SHTN1: variants seen among roughly 807,000 people sequenced by gnomAD.
The protein encoded by SHTN1 is shootin 1, also known as shootin-1.
A neutral mutation model predicts 83.1 loss-of-function variants in SHTN1; 42 were observed. The ratio of observed to expected loss-of-function variants is 0.51; its 90% confidence interval spans 0.39 to 0.65. The LOEUF (loss-of-function observed/expected upper bound fraction) is 0.65, where lower values mean the gene tolerates loss of function less well. SHTN1 is among the 30% of genes least tolerant of loss of function. SHTN1 has a pLI of 0.00. For synonymous variants in SHTN1, 224 were observed against 247.7 expected (o/e 0.90, Z 0.90); for missense variants, 622 against 737.8 (o/e 0.84, Z 1.82).
chr10:116,898,325 A>T (rs1847595045), intron 16 of SHTN1, among the ~76,000 whole-genome samples: 1 of 142,154 alleles, frequency 7.0e-6, no homozygotes, highest in Non-Finnish European at 1.5e-5. Context: ...GACTACATCT[A>T]AAAAAAAAAA....
At chr10:117,025,145 T>C (rs145203886) in intron 2 of SHTN1, among the ~76,000 whole-genome samples, 122 of 152,276 alleles carry the variant, frequency 8.0e-4, no homozygotes, top group African/African-American at 2.9e-3. Context: ...TTTAACTTCA[T>C]ATCACTAAAA....
chr10:117,087,942 A>G (rs1408893663), intron 1 of SHTN1, among the ~76,000 whole-genome samples: 1 of 152,180 alleles, frequency 6.6e-6, no homozygotes, highest in Non-Finnish European at 1.5e-5. Context: ...ATCTCTACTA[A>G]AAGTGTAAAT....
rs201996707 is a variant in SHTN1, at chr10:116,921,400, A to G, written c.1195+34T>C. On this transcript the variant is annotated intron_variant, in intron 12 of 16. Transcript: ENST00000355371. ...GTGAATTGCCCCAAAATGGTACACC[A>G]TCAACCACTTACACCAATAGAAGTG... 2,263 of 1,510,306 alleles carry G rather than the reference A, an allele frequency of 1.5e-3. 6 individuals carry two copies. Among genetic ancestry groups the G allele is most frequent in the Non-Finnish European group, 1.9e-3 (2,052 of 1,089,986 alleles). The allele number at this position is 1,510,306 out of a possible 1,614,324, so 93.6% of individuals were successfully genotyped here.
intron 3 of SHTN1, 167 bp from the exon 4 acceptor site, chr10:116,960,397 T>C (rs1481604937): frequency 4.1e-6 from 2 of 490,994 alleles, no homozygotes; most frequent in African/African-American, 3.8e-5. Flanking sequence ...AAATCTGAGC[T>C]AATATTTGAA....
chr10:116,929,792 G>T, intron 10 of SHTN1, 57 bp downstream of exon 10: 1 of 1,228,086 alleles, frequency 8.1e-7, no homozygotes, highest in Non-Finnish European at 1.1e-6. Flanking sequence ...TTTTGTACTA[G>T]GCATGAGTAA....
At chr10:116,893,170 G>T (rs1847392452) in intron 16 of SHTN1, among the ~76,000 whole-genome samples, 1 of 152,146 alleles carries the variant, frequency 6.6e-6, no homozygotes, top group Non-Finnish European at 1.5e-5. Context: ...CAGAACACTT[G>T]TAAGACAATC....
At chr10:117,126,269 G>C (rs7078823) in intron 1 of SHTN1, 110,996 of 157,268 alleles carry the variant, frequency 0.71, 41,013 homozygotes, top group Middle Eastern at 0.84. Context: ...GTGGGTCGGG[G>C]CCCTGCCGCT....
intron 1 of SHTN1, among the ~76,000 whole-genome samples, chr10:117,069,239 A>G (rs1255652627): frequency 6.6e-6 from 1 of 152,224 alleles, no homozygotes; most frequent in East Asian, 1.9e-4. Flanking sequence ...ACTGAAAAGT[A>G]TTCACTGCAT....
chr10:116,901,810 C>T lies in SHTN1; in HGVS notation c.1628G>A (p.Gly543Glu). 6.2e-7 allele frequency: 1 copy of T among 1,601,178 alleles called. No individual in the cohort carries two copies. The highest frequency in any genetic ancestry group is 1.1e-5 in the South Asian group (1 of 88,646). The change falls in exon 16 of 17, where the codon GGG (glycine) becomes GAG (glutamate). Residue 543 changes from glycine to glutamate, a missense_variant. By Grantham distance (98) the Gly-to-Glu change is moderately conservative (BLOSUM62 -2). Coordinates refer to ENST00000355371, the MANE Select transcript of SHTN1 (RefSeq NM_001127211.3). Reference sequence around the variant, plus strand: ...TGTGCATCCTTCCAATTTACGGGGCCCTTCACCTGGCTCAGGTGTTGGGGG... The same window carrying T: ...TGTGCATCCTTCCAATTTACGGGGCTCTTCACCTGGCTCAGGTGTTGGGGG... The part of the protein sequence containing the change: ...PSPPTPEPGE[G>E]PRKLEGCTSS...
intron 1 of SHTN1, among the ~76,000 whole-genome samples, chr10:116,990,287 C>CTTTTTTTTTTTTTT (rs11399364): frequency 1.0e-4 from 12 of 119,908 alleles, no homozygotes; most frequent in South Asian, 8.3e-4. Flanking sequence ...TTTTTTCTTT[C>CTTTTTTTTTTTTTT]TTTTTTTTTT....
In SHTN1 at chr10:117,123,924, A is replaced by T. The variant is rs1455561475; in HGVS notation, c.-189+2383T>A. ...CTGTCTCACAAAAAAAAAAAAAAAA[A>T]TTGCTGGCCAGGCACGGTGACTCAT... On this transcript the variant is annotated intron_variant, in intron 1 of 17. Coordinates refer to the SHTN1 transcript ENST00000392901. Among the ~76,000 whole-genome samples the T allele has an allele frequency of 5.5e-5, 8 of 144,454 alleles. No homozygotes were observed. In the Admixed American group the frequency reaches 5.6e-4, roughly 10 times the overall value. The allele number at this position is 144,454 out of a possible 152,430, so 94.8% of individuals were successfully genotyped here.
chr10:117,040,355 T>C (rs926602409), intron 2 of SHTN1, among the ~76,000 whole-genome samples: 4 of 152,148 alleles, frequency 2.6e-5, no homozygotes, highest in Admixed American at 6.5e-5. Flanking sequence ...GATCCAGAAA[T>C]TGATCCATAC....
In SHTN1 at chr10:117,055,429, G is replaced by A. The variant is rs542458198; in HGVS notation, c.-188-6919C>T. On this transcript the variant is annotated intron_variant, in intron 1 of 17. Transcript: ENST00000392901. ...ACTTTGGTTTTTCCATTAACACCAGGGTTGAAGAGGAAGGGGAAATAGAGA... is the reference window on the plus strand; with the variant it reads ...ACTTTGGTTTTTCCATTAACACCAGAGTTGAAGAGGAAGGGGAAATAGAGA... 1.8e-4 allele frequency among the ~76,000 whole-genome samples: 27 copies of A among 152,288 alleles called. No homozygotes were observed. In the South Asian group the frequency reaches 5.6e-3, roughly 32 times the overall value.
chr10:116,922,730 C>G (rs1848607126), intron 11 of SHTN1, among the ~76,000 whole-genome samples: 1 of 152,102 alleles, frequency 6.6e-6, no homozygotes, highest in East Asian at 1.9e-4. Flanking sequence ...TTTGGGAGGC[C>G]AAGGTGGGCA....
chr10:117,026,659 T>G (rs1359101664), intron 2 of SHTN1, among the ~76,000 whole-genome samples: 1 of 152,182 alleles, frequency 6.6e-6, no homozygotes, highest in Non-Finnish European at 1.5e-5. Flanking sequence ...TGACCTCAAG[T>G]GATCCACCTG....
intron 2 of SHTN1, among the ~76,000 whole-genome samples, chr10:117,034,496 T>C (rs1852466355): frequency 6.6e-6 from 1 of 151,870 alleles, no homozygotes; most frequent in Non-Finnish European, 1.5e-5. Context: ...CAAAAATTAG[T>C]TGGGTGTGGT....
chr10:117,006,884 TACTC>T (rs1852024297), upstream of SHTN1, among the ~76,000 whole-genome samples: 4 of 151,976 alleles, frequency 2.6e-5, no homozygotes, highest in Admixed American at 2.0e-4. Flanking sequence ...GTCTTTCTGA[TACTC>T]ACTACATGCT....
At chr10:117,087,620 TA>T (rs1324547324) in intron 1 of SHTN1, among the ~76,000 whole-genome samples, 1 of 152,202 alleles carries the variant, frequency 6.6e-6, no homozygotes, top group East Asian at 1.9e-4. Context: ...AATAAAACTT[TA>T]AAAAATATTT....
chr10:116,960,157 A>G lies in SHTN1; in HGVS notation c.246T>C (p.Ser82=). The G allele has an allele frequency of 6.2e-7, 1 of 1,608,386 alleles. No individual in the cohort carries two copies. Among genetic ancestry groups the G allele is most frequent in the Non-Finnish European group, 8.5e-7 (1 of 1,175,068 alleles). The change falls in exon 4 of 17, where the codon AGT becomes AGC. Residue 82 remains serine, a synonymous_variant. Coordinates refer to ENST00000355371, the MANE Select transcript of SHTN1 (RefSeq NM_001127211.3). ...HLEIEKTCRE[S]AEALATKLNK... ...TCACCTTTGTTGCCAAAGCTTCAGC[A>G]CTTTCTCGACAAGTCTTCTCTATTT...
Sources: gnomAD v4.1 joint callset for allele counts (sites outside exome capture counted in the v4.1 genomes callset) on GRCh38, gnomAD v4.1.1 for gene constraint, MANE v1.5 for transcripts, NCBI Gene and HGNC (gene_info 2026-07-23, HGNC 2026-07-21) for gene names.